TESK2: variants seen among roughly 807,000 people sequenced by gnomAD.
The protein encoded by TESK2 is testis associated actin remodelling kinase 2, also known as dual specificity testis-specific protein kinase 2.
In TESK2, 39 loss-of-function variants were observed where a neutral mutation model predicts 57.1. The ratio of observed to expected loss-of-function variants is 0.68; its 90% CI spans 0.53 to 0.89. TESK2 has a LOEUF of 0.89. Ranked by LOEUF, TESK2 falls within the 40% of genes least tolerant of loss-of-function variation. TESK2 has a pLI of 0.00. For synonymous variants in TESK2, 249 were observed against 267.9 expected (o/e 0.93, Z 0.69); for missense variants, 646 against 732.1 (o/e 0.88, Z 1.36).
At chr1:45,396,974 A>T (rs1029764124) in intron 3 of TESK2, among the ~76,000 whole-genome samples, 1 of 151,310 alleles carries the variant, frequency 6.6e-6, no homozygotes, top group Non-Finnish European at 1.5e-5. Flanking sequence ...GTGCACCACC[A>T]TGCCTGACTA....
At chr1:45,419,710 G>A (rs1189841912) in intron 3 of TESK2, among the ~76,000 whole-genome samples, 2 of 152,126 alleles carry the variant, frequency 1.3e-5, no homozygotes, top group African/African-American at 4.8e-5. Flanking sequence ...GGAGGCTGAG[G>A]CAGGAGAATC....
rs562033691 is a variant in TESK2, at chr1:45,439,537, G to A, written c.223-17691C>T. Among the ~76,000 whole-genome samples the A allele has an allele frequency of 7.9e-5, 12 of 152,142 alleles. No individual in the cohort carries two copies. The East Asian group carries it at 1.3e-3, about 17-fold the overall frequency. On this transcript the variant is annotated intron_variant, in intron 2 of 10. Coordinates refer to ENST00000372086, the MANE Select transcript of TESK2 (RefSeq NM_007170.3). ...TTATAACATTATTCTAATGCTTTAC[G>A]CATAATAGTTCATTATATTTTCTCA... is the stretch of plus-strand genomic sequence containing the variant.
chr1:45,393,102 A>G (rs905009273), intron 3 of TESK2, among the ~76,000 whole-genome samples: 5 of 152,204 alleles, frequency 3.3e-5, no homozygotes, highest in African/African-American at 1.2e-4. Context: ...TAGAAAAACA[A>G]TGGCTACATT....
intron 2 of TESK2, among the ~76,000 whole-genome samples, chr1:45,437,349 T>A (rs569301591): frequency 6.6e-6 from 1 of 152,322 alleles, no homozygotes; most frequent in Admixed American, 6.5e-5. Flanking sequence ...CCTTCTAGAT[T>A]TTTTTCAGCT....
chr1:45,457,215 A>G (rs1257075558), intron 2 of TESK2, among the ~76,000 whole-genome samples: 3 of 152,156 alleles, frequency 2.0e-5, no homozygotes, highest in African/African-American at 7.2e-5. Flanking sequence ...TGCATAATAT[A>G]TGTATATGCA....
At chr1:45,386,940 C>A (rs568014610) in intron 3 of TESK2, among the ~76,000 whole-genome samples, 1 of 152,286 alleles carries the variant, frequency 6.6e-6, no homozygotes, top group Non-Finnish European at 1.5e-5. Flanking sequence ...GCGTGAGCCA[C>A]CGCACCCAGC....
At chr1:45,428,947 A>G (rs9659306) in intron 2 of TESK2, among the ~76,000 whole-genome samples, 147,108 of 151,064 alleles carry the variant, frequency 0.97, 71,746 homozygotes, top group East Asian at 1. Flanking sequence ...TCAGCCTCCC[A>G]AGTATCTGGG....
chr1:45,381,814 G>A (rs924263784), intron 4 of TESK2, among the ~76,000 whole-genome samples: 7 of 149,602 alleles, frequency 4.7e-5, no homozygotes, highest in African/African-American at 1.5e-4. Context: ...TGAAAGACAA[G>A]GTTAGGTCTT....
At chr1:45,476,059 T>C (rs1259877702) in intron 1 of TESK2, among the ~76,000 whole-genome samples, 1 of 152,204 alleles carries the variant, frequency 6.6e-6, no homozygotes, top group Non-Finnish European at 1.5e-5. Context: ...CGTGGGACTT[T>C]ACCTTGTGAT....
intron 1 of TESK2, 67 bp from the exon 2 acceptor site, chr1:45,457,938 T>G: frequency 1.6e-6 from 1 of 617,748 alleles, no homozygotes; most frequent in South Asian, 2.1e-5. Flanking sequence ...CAATAAATGC[T>G]CAATGCAAAA....
At chr1:45,474,295 C>T (rs1652893741) in intron 1 of TESK2, among the ~76,000 whole-genome samples, 1 of 152,062 alleles carries the variant, frequency 6.6e-6, no homozygotes, top group Non-Finnish European at 1.5e-5. Flanking sequence ...CAAGATTGCA[C>T]TCTAGCCTGG....
chr1:45,345,610 C>A, intron 10 of TESK2, 52 bp from the exon 11 acceptor site: 2 of 1,481,180 alleles, frequency 1.4e-6, no homozygotes, highest in Non-Finnish European at 9.3e-7. Flanking sequence ...CAAATACAAG[C>A]AGCATTTTAC....
At chr1:45,450,054 T>C (rs911508904) in intron 2 of TESK2, among the ~76,000 whole-genome samples, 1 of 152,176 alleles carries the variant, frequency 6.6e-6, no homozygotes, top group African/African-American at 2.4e-5. Flanking sequence ...AAGGAAAAGA[T>C]GAACTAGTCA....
chr1:45,379,950 G>A (rs1387465928), intron 4 of TESK2, among the ~76,000 whole-genome samples: 1 of 152,048 alleles, frequency 6.6e-6, no homozygotes, highest in African/African-American at 2.4e-5. Context: ...GTTGGCTAGA[G>A]TGTAGTGGCA....
chr1:45,346,924 C>G (rs900519539), intron 8 of TESK2, 55 bp downstream of exon 8: 31 of 1,592,400 alleles, frequency 1.9e-5, no homozygotes, highest in Non-Finnish European at 2.6e-5. Context: ...CAGAACAGTT[C>G]CATTGCTTCA....
At chr1:45,392,184 C>A (rs1283231890) in intron 3 of TESK2, among the ~76,000 whole-genome samples, 1 of 152,168 alleles carries the variant, frequency 6.6e-6, no homozygotes, top group Non-Finnish European at 1.5e-5. Flanking sequence ...CTCCCGGGTT[C>A]AAGCAATTCT....
chr1:45,375,592 C>T (rs1178353306), intron 4 of TESK2, among the ~76,000 whole-genome samples: 1 of 152,042 alleles, frequency 6.6e-6, no homozygotes, highest in Non-Finnish European at 1.5e-5. Context: ...CTGCCCGCCC[C>T]CTGCTGATTA....
intron 3 of TESK2, among the ~76,000 whole-genome samples, chr1:45,410,606 A>C (rs1234288193): frequency 6.8e-6 from 1 of 147,336 alleles, no homozygotes; most frequent in African/African-American, 2.6e-5. Flanking sequence ...ACTCCAACTC[A>C]AAAAAAAAAA....
intron 1 of TESK2, among the ~76,000 whole-genome samples, chr1:45,478,241 ACT>A (rs1246153201): frequency 6.6e-6 from 1 of 151,640 alleles, no homozygotes; most frequent in Non-Finnish European, 1.5e-5. Context: ...CTTCCACATG[ACT>A]CTCTCAGTAA....
Sources: allele counts gnomAD v4.1 joint callset (sites outside exome capture counted in the v4.1 genomes callset), GRCh38; gene constraint gnomAD v4.1.1; transcripts MANE v1.5; gene names NCBI Gene and HGNC (gene_info 2026-07-23, HGNC 2026-07-21).